Variants in SAMTOR observed in about 807,000 individuals in gnomAD.
SAMTOR encodes the protein UPF0532 protein C7orf60.
At chr7:112,831,461 A>G in the SAMTOR span, among the ~76,000 whole-genome samples, 3 of 152,160 alleles carry the variant, frequency 2.0e-5, no homozygotes, top group Non-Finnish European at 4.4e-5. Flanking sequence ...GTTCGAGACC[A>G]GCCTGACCAA....
chr7:112,926,274 T>TA, the SAMTOR span, among the ~76,000 whole-genome samples: 1 of 152,228 alleles, frequency 6.6e-6, no homozygotes, highest in South Asian at 2.1e-4. Flanking sequence ...TAGAAATTCT[T>TA]AGAGTCCTTG....
the SAMTOR span, among the ~76,000 whole-genome samples, chr7:112,917,015 G>A: frequency 6.6e-6 from 1 of 152,196 alleles, no homozygotes; most frequent in Non-Finnish European, 1.5e-5. Flanking sequence ...CACCTCTGGG[G>A]GCAGGGCACA....
the SAMTOR span, among the ~76,000 whole-genome samples, chr7:112,937,091 T>C: frequency 6.6e-6 from 1 of 152,234 alleles, no homozygotes. Flanking sequence ...ACCACTCTAA[T>C]ATCTGGCTGA....
the SAMTOR span, among the ~76,000 whole-genome samples, chr7:112,861,963 T>C: frequency 3.3e-5 from 5 of 152,188 alleles, no homozygotes; most frequent in Admixed American, 6.5e-5. Flanking sequence ...TGGTAAACAA[T>C]TGAAAAGAGG....
At chr7:112,835,388 C>G in the SAMTOR span, among the ~76,000 whole-genome samples, 1 of 152,098 alleles carries the variant, frequency 6.6e-6, no homozygotes, top group African/African-American at 2.4e-5. Context: ...TGGATGGACA[C>G]TATTAATCTT....
At chr7:112,902,348 G>A in the SAMTOR span, among the ~76,000 whole-genome samples, 1 of 147,852 alleles carries the variant, frequency 6.8e-6, no homozygotes, top group Non-Finnish European at 1.5e-5. Context: ...TGCAGTGGAC[G>A]GAGGTTGCGG....
the SAMTOR span, among the ~76,000 whole-genome samples, chr7:112,925,080 C>T: frequency 2.6e-5 from 4 of 152,162 alleles, no homozygotes; most frequent in African/African-American, 9.7e-5. Flanking sequence ...AATTTAAACA[C>T]ACTACTGCTT....
the SAMTOR span, among the ~76,000 whole-genome samples, chr7:112,892,511 GT>G: frequency 6.6e-6 from 1 of 152,180 alleles, no homozygotes; most frequent in Non-Finnish European, 1.5e-5. Flanking sequence ...ACTCATGCCT[GT>G]AATCCTAGCA....
At chr7:112,828,848 TTTTGA>T in the SAMTOR span, among the ~76,000 whole-genome samples, 1 of 152,204 alleles carries the variant, frequency 6.6e-6, no homozygotes, top group South Asian at 2.1e-4. Context: ...TCATCTTCAT[TTTTGA>T]AAGACATTTT....
At chr7:112,902,424 AAAAAC>A in the SAMTOR span, among the ~76,000 whole-genome samples, 2 of 102,078 alleles carry the variant, frequency 2.0e-5, no homozygotes, top group African/African-American at 8.1e-5. Context: ...CTCAAAAAAA[AAAAAC>A]AAAAAAAAAC....
At chr7:112,844,451 T>C in the SAMTOR span, among the ~76,000 whole-genome samples, 3 of 151,974 alleles carry the variant, frequency 2.0e-5, no homozygotes, top group African/African-American at 7.2e-5. Flanking sequence ...CAAAACTCAA[T>C]GTACAGGAAT....
At chr7:112,845,438 G>C in the SAMTOR span, among the ~76,000 whole-genome samples, 1 of 152,030 alleles carries the variant, frequency 6.6e-6, no homozygotes, top group African/African-American at 2.4e-5. Context: ...GACATAAACA[G>C]ACACTTCTCA....
At chr7:112,824,996 A>G in the SAMTOR span, among the ~76,000 whole-genome samples, 3 of 152,222 alleles carry the variant, frequency 2.0e-5, no homozygotes, top group East Asian at 5.8e-4. Context: ...AATTTCTACA[A>G]AAAAGCCCAC....
the SAMTOR span, among the ~76,000 whole-genome samples, chr7:112,848,193 C>T: frequency 4.2e-4 from 64 of 151,990 alleles, no homozygotes; most frequent in South Asian, 0.011. Context: ...ATAATAGAGG[C>T]TTATATTAAG....
At chr7:112,887,834 C>CT in the SAMTOR span, among the ~76,000 whole-genome samples, 1 of 152,054 alleles carries the variant, frequency 6.6e-6, no homozygotes, top group Admixed American at 6.5e-5. Flanking sequence ...TATCCTATCT[C>CT]TTTTCGTTGG....
At chr7:112,889,426 C>T in the SAMTOR span, among the ~76,000 whole-genome samples, 1 of 152,108 alleles carries the variant, frequency 6.6e-6, no homozygotes. Context: ...GCATGTACCA[C>T]ACTAGAGGAA....
At chr7:112,913,103 AATGTATATTCTGTAAAACAGTCAG>A in the SAMTOR span, among the ~76,000 whole-genome samples, 2 of 152,152 alleles carry the variant, frequency 1.3e-5, no homozygotes, top group Non-Finnish European at 2.9e-5. Context: ...TGAGGGAGAA[AATGTATATTCTGTAAAACAGTCAG>A]ATTTATAACC....
chr7:112,877,328 T>C, the SAMTOR span, among the ~76,000 whole-genome samples: 1 of 152,196 alleles, frequency 6.6e-6, no homozygotes, highest in East Asian at 1.9e-4. Context: ...AGAATAAAAA[T>C]AAAATGTGTT....
chr7:112,826,496 G>A, the SAMTOR span, among the ~76,000 whole-genome samples: 8 of 152,044 alleles, frequency 5.3e-5, no homozygotes, highest in African/African-American at 1.7e-4. Context: ...GGTAAAATCT[G>A]TCATGATGTT....
Sources: allele counts gnomAD v4.1 joint callset (sites outside exome capture counted in the v4.1 genomes callset), GRCh38; gene constraint gnomAD v4.1.1; transcripts MANE v1.5; gene names NCBI Gene and HGNC (gene_info 2026-07-23, HGNC 2026-07-21).